Variants in ZBBX observed in about 807,000 individuals in gnomAD.
The protein encoded by ZBBX is zinc finger B-box domain containing.
In ZBBX, 101 loss-of-function variants were observed where a neutral mutation model predicts 108.5. That is an observed-to-expected ratio of 0.93 (90% CI 0.79 to 1.10). The LOEUF is 1.10. Among genes scored for constraint, ZBBX ranks in the 50% least tolerant of loss-of-function variants. The probability of loss-of-function intolerance (pLI) is 0.00; values close to 1 mark genes in which losing one functional copy is unlikely to be tolerated. For synonymous variants in ZBBX, 356 were observed against 323.4 expected, an observed-to-expected ratio of 1.10 and a Z score of -1.08; for missense variants, 1,009 against 941.4, an observed-to-expected ratio of 1.07 and a Z score of -0.94.
chr3:167,219,203 T>C, the ZBBX span, among the ~76,000 whole-genome samples: 3 of 152,034 alleles, frequency 2.0e-5, no homozygotes, highest in Non-Finnish European at 4.4e-5. Flanking sequence ...AACACCCCAC[T>C]TTCAGCATTA....
intron 9 of ZBBX, among the ~76,000 whole-genome samples, chr3:167,338,691 T>G (rs1175050114): frequency 6.6e-6 from 1 of 152,126 alleles, no homozygotes; most frequent in Admixed American, 6.6e-5. Flanking sequence ...ACCACAGCCT[T>G]GAATTAAAAA....
intron 1 of ZBBX, among the ~76,000 whole-genome samples, chr3:167,387,864 A>T (rs569901596): frequency 4.5e-4 from 68 of 152,136 alleles, no homozygotes; most frequent in African/African-American, 1.5e-3. Context: ...GTATTTATGG[A>T]TGACCCTGAA....
At chr3:167,324,696 A>G (rs1218801139) in intron 11 of ZBBX, among the ~76,000 whole-genome samples, 5 of 152,170 alleles carry the variant, frequency 3.3e-5, no homozygotes, top group Non-Finnish European at 5.9e-5. Flanking sequence ...ATTGTGTGCC[A>G]ACACCTGGCC....
At chr3:167,228,867 C>G in the ZBBX span, among the ~76,000 whole-genome samples, 3 of 151,758 alleles carry the variant, frequency 2.0e-5, no homozygotes, top group African/African-American at 7.2e-5. Context: ...GTTTGAACAA[C>G]ATGGGGCTGG....
At chr3:167,312,756 A>G (rs529155110) in intron 16 of ZBBX, among the ~76,000 whole-genome samples, 2 of 152,316 alleles carry the variant, frequency 1.3e-5, no homozygotes, top group South Asian at 4.1e-4. Context: ...CTAAATTCCC[A>G]TGTGGCTGTA....
chr3:167,313,911 G>A (rs1255685418), intron 16 of ZBBX, 63 bp downstream of exon 16: 1 of 1,383,944 alleles, frequency 7.2e-7, no homozygotes, highest in East Asian at 2.6e-5. Flanking sequence ...AGCTTTTATA[G>A]ACTGCAATAG....
At chr3:167,228,261 T>C in the ZBBX span, among the ~76,000 whole-genome samples, 2 of 151,766 alleles carry the variant, frequency 1.3e-5, no homozygotes, top group African/African-American at 2.4e-5. Context: ...GTTTCTTAAA[T>C]TGATAAAAGT....
intron 20 of ZBBX, among the ~76,000 whole-genome samples, chr3:167,270,383 G>A (rs1338017094): frequency 6.6e-6 from 1 of 152,152 alleles, no homozygotes; most frequent in East Asian, 1.9e-4. Flanking sequence ...TATACCAGAA[G>A]CCTACTCCAG....
intron 1 of ZBBX, among the ~76,000 whole-genome samples, chr3:167,397,717 A>C (rs886733632): frequency 1.3e-5 from 2 of 151,854 alleles, no homozygotes; most frequent in African/African-American, 2.4e-5. Context: ...CTAAGAAAAA[A>C]CAAATCATCT....
In ZBBX at chr3:167,305,736, C is replaced by T. The variant is rs559365633; in HGVS notation, c.1632G>A (p.Glu544=). ...GRDLEKAPIE[E]KLSQDIKESL... ...ATTCTTTGATGTCTTGAGATAATTT[C>T]TCCTCAATGGGAGCTTTTTCTAAAT... is the stretch of plus-strand genomic sequence containing the variant. The change falls in exon 17 of 22, where the codon GAG becomes GAA. Residue 544 remains glutamate (E), a synonymous_variant. Transcript: ENST00000675490. The T allele has an allele frequency of 7.4e-4, 1,199 of 1,612,270 alleles. 18 individuals carry two copies. In the South Asian group the frequency reaches 0.012, roughly 17 times the overall value.
chr3:167,319,630 T>C (rs1357598501), intron 12 of ZBBX, among the ~76,000 whole-genome samples: 2 of 151,988 alleles, frequency 1.3e-5, no homozygotes, highest in African/African-American at 4.8e-5. Flanking sequence ...CTAGATACCG[T>C]AGGCTACAGA....
At chr3:167,242,700 G>A in intron 20 of ZBBX, 57 bp from the exon 21 acceptor site, 1 of 1,495,978 alleles carries the variant, frequency 6.7e-7, no homozygotes, top group Non-Finnish European at 9.0e-7. Context: ...CAAATATACA[G>A]CATATGGTGC....
At chr3:167,325,576 G>A (rs972387772) in intron 11 of ZBBX, among the ~76,000 whole-genome samples, 6 of 151,988 alleles carry the variant, frequency 3.9e-5, no homozygotes, top group Non-Finnish European at 5.9e-5. Flanking sequence ...TATGGACGTG[G>A]GCATTGCACT....
At chr3:167,239,544 T>G (rs1215839160), downstream of ZBBX, among the ~76,000 whole-genome samples, 1 of 152,150 alleles carries the variant, frequency 6.6e-6, no homozygotes, top group African/African-American at 2.4e-5. Flanking sequence ...CTCCTCCTTA[T>G]GATTTTCTTA....
intron 20 of ZBBX, among the ~76,000 whole-genome samples, chr3:167,249,888 G>A (rs1345626437): frequency 2.0e-5 from 3 of 152,148 alleles, no homozygotes; most frequent in African/African-American, 4.8e-5. Context: ...TCCCAGTGAC[G>A]AGATGGAAGA....
chr3:167,398,128 T>A (rs1577147483), intron 1 of ZBBX, among the ~76,000 whole-genome samples: 1 of 152,156 alleles, frequency 6.6e-6, no homozygotes, highest in East Asian at 1.9e-4. Flanking sequence ...AGCTGTTCAG[T>A]CAAGCAAGAT....
intron 20 of ZBBX, among the ~76,000 whole-genome samples, chr3:167,260,888 G>A (rs145992112): frequency 5.3e-5 from 8 of 152,276 alleles, no homozygotes; most frequent in Admixed American, 2.6e-4. Flanking sequence ...TGTTTTCTGG[G>A]GGGTGTTGAA....
At chr3:167,391,746 T>C (rs990493014) in intron 1 of ZBBX, among the ~76,000 whole-genome samples, 1 of 151,894 alleles carries the variant, frequency 6.6e-6, no homozygotes, top group Admixed American at 6.6e-5. Context: ...ATATATACTT[T>C]ACATACAATA....
At chr3:167,283,564 C>CA in intron 19 of ZBBX, among the ~76,000 whole-genome samples, 1 of 152,130 alleles carries the variant, frequency 6.6e-6, no homozygotes, top group Middle Eastern at 3.4e-3. Context: ...AGTGACTCAA[C>CA]AAAAAATATA....
Sources: gnomAD v4.1 joint callset for allele counts (sites outside exome capture counted in the v4.1 genomes callset) on GRCh38, gnomAD v4.1.1 for gene constraint, MANE v1.5 for transcripts, NCBI Gene and HGNC (gene_info 2026-07-23, HGNC 2026-07-21) for gene names.